The following IPO9 variants were observed in gnomAD, a reference collection of about 807,000 sequenced individuals.
IPO9 encodes the protein importin 9.
IPO9 carries 28 observed loss-of-function variants against 128.6 expected under a neutral mutation model. The ratio of observed to expected loss-of-function variants is 0.22; its 90% CI spans 0.16 to 0.30. The LOEUF (loss-of-function observed/expected upper bound fraction) is 0.30, where lower values mean the gene tolerates loss of function less well. IPO9 is among the 10% of genes least tolerant of loss of function. The pLI is 1.00. For missense variants in IPO9, 935 were observed against 1,293.9 expected (o/e 0.72, Z 4.26); for synonymous variants, 455 against 475.8 (o/e 0.96, Z 0.57).
chr1:201,829,192 G>T lies in IPO9; in HGVS notation c.-18G>T, dbSNP rs985123388. The T allele has an allele frequency of 8.7e-6, 13 of 1,502,840 alleles. No homozygotes were observed. Among genetic ancestry groups the T allele is most frequent in the African/African-American group, 7.2e-5 (5 of 68,984 alleles). The allele number at this position is 1,502,840 out of a possible 1,614,324, so 93.1% of individuals were successfully genotyped here. On this transcript the variant is annotated 5_prime_UTR_variant, in exon 1 of 24. Transcript: ENST00000361565. The stretch of plus-strand genomic sequence containing the variant: ...GGCGGGTCCCGGCCGCGGGGCTGGC[G>T]GGCTGAGGGGAGAAAAGATGGCGGC...
In IPO9 at chr1:201,872,942, C is replaced by G. The variant is rs1284376702; in HGVS notation, c.2691C>G (p.Thr897=). Residue 897 remains threonine (T), a synonymous_variant, in exon 20 of 24, where the codon ACC becomes ACG. Transcript: ENST00000361565. ...EIYSMDEGIR[T]RSKSAKNPER... ...ACAGCATGGATGAGGGCATCCGCAC[C>G]CGCTCTAAGTCAGCCAAAAGTGGGT... The G allele has an allele frequency of 6.2e-7, 1 of 1,613,168 alleles. No individual in the cohort carries two copies. Among genetic ancestry groups the G allele is most frequent in the East Asian group, 2.2e-5 (1 of 44,838 alleles).
chr1:201,839,477 C>T (rs559333503), intron 1 of IPO9, among the ~76,000 whole-genome samples: 6 of 141,222 alleles, frequency 4.2e-5, no homozygotes, highest in Admixed American at 7.7e-5. Context: ...AGGAGAATGG[C>T]GGGAACCTGG....
At chr1:201,833,365 A>C (rs1291701440) in intron 1 of IPO9, among the ~76,000 whole-genome samples, 1 of 151,902 alleles carries the variant, frequency 6.6e-6, no homozygotes, top group Non-Finnish European at 1.5e-5. Flanking sequence ...AGGCCTCCCA[A>C]GTAGCTGGGA....
intron 1 of IPO9, among the ~76,000 whole-genome samples, chr1:201,835,307 G>A (rs919691781): frequency 1.1e-4 from 17 of 152,092 alleles, no homozygotes; most frequent in Non-Finnish European, 2.1e-4. Context: ...CTCTCCTTTG[G>A]GTTTTCCCTT....
rs1005079428 is a variant in IPO9 at position 201,848,693 on chromosome 1, T to C, written c.514+99T>C. The C allele has an allele frequency of 2.7e-6, 3 of 1,126,110 alleles. No individual in the cohort carries two copies. The African/African-American group carries it at 4.6e-5, about 17-fold the overall frequency. 69.8% of individuals were successfully genotyped at this position (1,126,110 alleles called of 1,614,324 possible). ...TATAATGGCCTGGACCAGTAGGAATTGCTGCTGATGTTATTCCTCCCTCCT... is the reference window on the plus strand; with the variant it reads ...TATAATGGCCTGGACCAGTAGGAATCGCTGCTGATGTTATTCCTCCCTCCT... On this transcript the variant is annotated intron_variant, in intron 4 of 23. Coordinates refer to ENST00000361565, the MANE Select transcript of IPO9 (RefSeq NM_018085.5).
intron 1 of IPO9, among the ~76,000 whole-genome samples, chr1:201,845,608 G>C (rs1462871109): frequency 6.6e-6 from 1 of 151,972 alleles, no homozygotes; most frequent in Non-Finnish European, 1.5e-5. Flanking sequence ...ACATTAAAAA[G>C]GCAAAAAGAA....
Position 201,878,535 on chromosome 1 carries a change from G to A in IPO9, c.*2481G>A, listed in dbSNP as rs1680821501. The A allele has an allele frequency of 6.6e-6, 1 of 152,602 alleles. No individual in the cohort carries two copies. The highest frequency in any genetic ancestry group is 1.5e-5 in the Non-Finnish European group (1 of 68,040). The allele number at this position is 152,602 out of a possible 1,614,324, so 9.5% of individuals were successfully genotyped here. A position where few individuals can be genotyped will look rare whatever the true frequency, so the allele number is the denominator to read the frequency against. On this transcript the variant is annotated 3_prime_UTR_variant, in exon 24 of 24. Coordinates refer to ENST00000361565, the MANE Select transcript of IPO9 (RefSeq NM_018085.5). ...TCTCATGCTGATTTGGGGGAGGACT[G>A]GGCATCCTGCCTCAGGAGAACTTGA... is the stretch of plus-strand genomic sequence containing the variant.
intron 20 of IPO9, 141 bp downstream of exon 20, chr1:201,873,102 TTAGG>T: frequency 9.6e-7 from 1 of 1,044,710 alleles, no homozygotes; most frequent in South Asian, 1.9e-5. Flanking sequence ...AGCAGGAAAC[TTAGG>T]TAAAAGGGAT....
In IPO9 at chr1:201,880,484, GA is replaced by G. The variant is rs1165505140; in HGVS notation, c.*4433del. On this transcript the variant is annotated 3_prime_UTR_variant, in exon 24 of 24. Coordinates refer to ENST00000361565, the MANE Select transcript of IPO9 (RefSeq NM_018085.5). The stretch of plus-strand genomic sequence containing the variant: ...ATGCTTAGCTTAGAGAAGACAAGAG[GA>G]AACAGGACATGGCTTTGGGAAGTTC... The G allele has an allele frequency of 6.6e-6, 1 of 152,184 alleles. No individual in the cohort carries two copies. The allele number at this position is 152,184 out of a possible 1,614,324, so 9.4% of individuals were successfully genotyped here.
rs1415768436 is a variant in IPO9, at chr1:201,854,627, A to G, written c.723A>G (p.Val241=). ...GAAKVLIFPV[V]QQFTEAFVQA... ...CCAAAGTCCTGATCTTTCCCGTGGT[A>G]CAGCAGTTCACAGAGGCCTTTGTTC... is the stretch of plus-strand genomic sequence containing the variant. The change falls in exon 7 of 24, where the codon GTA becomes GTG. Residue 241 remains valine (V), a synonymous_variant. Transcript: ENST00000361565. The G allele has an allele frequency of 2.5e-6, 4 of 1,614,040 alleles. No homozygotes were observed. The African/African-American group carries it at 4.0e-5, about 16-fold the overall frequency.
chr1:201,859,199 A>G (rs1265220241), intron 13 of IPO9, among the ~76,000 whole-genome samples: 1 of 140,594 alleles, frequency 7.1e-6, no homozygotes, highest in Non-Finnish European at 1.5e-5. Context: ...ATATATATAT[A>G]TATATATAAA....
chr1:201,861,446 A>G lies in IPO9; in HGVS notation c.1469-2002A>G, dbSNP rs546027942. On this transcript the variant is annotated intron_variant, in intron 13 of 23. Transcript: ENST00000361565. ...TATGAGATATTCAACACTTTATTAT[A>G]AAATAGGCTTTGTGTTACGTGAGTT... Among the ~76,000 whole-genome samples the G allele has an allele frequency of 1.6e-4, 25 of 152,374 alleles. No individual in the cohort carries two copies. In the South Asian group the frequency reaches 5.0e-3, roughly 30 times the overall value.
intron 11 of IPO9, among the ~76,000 whole-genome samples, chr1:201,857,878 C>A (rs1296452794): frequency 6.6e-6 from 1 of 151,664 alleles, no homozygotes; most frequent in Non-Finnish European, 1.5e-5. Context: ...GCAAACCTAG[C>A]AAAACAAAAC....
chr1:201,836,543 A>G (rs12089825), intron 1 of IPO9, among the ~76,000 whole-genome samples: 2,079 of 152,206 alleles, frequency 0.014, 43 homozygotes, highest in African/African-American at 0.045. Flanking sequence ...GCATCACCAC[A>G]CCCAGCTAAT....
chr1:201,853,482 C>A (rs568593505), intron 6 of IPO9, among the ~76,000 whole-genome samples: 1 of 152,184 alleles, frequency 6.6e-6, no homozygotes, highest in Non-Finnish European at 1.5e-5. Context: ...GTCTTCCCCC[C>A]TCAGCCTCCC....
chr1:201,845,543 G>A (rs1680111393), intron 1 of IPO9, among the ~76,000 whole-genome samples: 1 of 152,136 alleles, frequency 6.6e-6, no homozygotes, highest in Non-Finnish European at 1.5e-5. Context: ...GCATAGTGCT[G>A]TACAACAGAA....
chr1:201,862,137 A>G (rs1680460923), intron 13 of IPO9, among the ~76,000 whole-genome samples: 1 of 152,194 alleles, frequency 6.6e-6, no homozygotes, highest in Admixed American at 6.5e-5. Flanking sequence ...GAAGAATGAC[A>G]TGATCAGAGC....
chr1:201,842,436 C>G (rs7534838), intron 1 of IPO9, among the ~76,000 whole-genome samples: 31,939 of 151,860 alleles, frequency 0.21, 3,500 homozygotes, highest in South Asian at 0.26. Context: ...TCTACCCTGT[C>G]AGAGGGTGGG....
At chr1:201,856,521 C>T (rs970146120) in intron 10 of IPO9, among the ~76,000 whole-genome samples, 1 of 152,156 alleles carries the variant, frequency 6.6e-6, no homozygotes, top group Admixed American at 6.5e-5. Flanking sequence ...CAAAGGGTAA[C>T]AGCAGGTTGA....
Sources: allele counts gnomAD v4.1 joint callset (sites outside exome capture counted in the v4.1 genomes callset), GRCh38; gene constraint gnomAD v4.1.1; transcripts MANE v1.5; gene names NCBI Gene and HGNC (gene_info 2026-07-23, HGNC 2026-07-21).